Variants in DCC observed in about 807,000 individuals in gnomAD.
DCC encodes the protein netrin receptor DCC.
A neutral mutation model predicts 172.5 loss-of-function variants in DCC; 58 were observed. The ratio of observed to expected loss-of-function variants is 0.34; its 90% confidence interval spans 0.27 to 0.42. The LOEUF (loss-of-function observed/expected upper bound fraction) is 0.42. Among genes scored for constraint, DCC ranks in the 10% least tolerant of loss-of-function variants. The pLI is 1.00. For synonymous variants in DCC, 709 were observed against 644.5 expected (o/e 1.10, Z -1.52); for missense variants, 1,740 against 1,791.0 (o/e 0.97, Z 0.51).
intron 13 of DCC, among the ~76,000 whole-genome samples, chr18:53,312,340 C>CAAAAAAA (rs1218591102): frequency 1.1e-3 from 20 of 17,508 alleles, no homozygotes; most frequent in East Asian, 5.5e-3. Flanking sequence ...GACTCTGTCT[C>CAAAAAAA]AAAAAAAAAA....
At chr18:53,369,548 C>T (rs1004330300) in intron 15 of DCC, among the ~76,000 whole-genome samples, 9 of 151,786 alleles carry the variant, frequency 5.9e-5, no homozygotes, top group African/African-American at 1.9e-4. Context: ...AGTGGGCATC[C>T]TTGTCTTTTT....
chr18:53,468,283 G>T (rs573227459), intron 25 of DCC, among the ~76,000 whole-genome samples: 88 of 150,634 alleles, frequency 5.8e-4, no homozygotes, highest in African/African-American at 2.1e-3. Context: ...TCACATAAAA[G>T]AGCTGATATA....
intron 1 of DCC, among the ~76,000 whole-genome samples, chr18:52,600,090 A>G (rs2033987568): frequency 6.6e-6 from 1 of 152,170 alleles, no homozygotes; most frequent in East Asian, 1.9e-4. Flanking sequence ...ATAGTCATTA[A>G]ACTATTTTAC....
intron 1 of DCC, among the ~76,000 whole-genome samples, chr18:52,679,542 G>A (rs550267233): frequency 1.3e-5 from 2 of 152,228 alleles, no homozygotes; most frequent in African/African-American, 4.8e-5. Context: ...ACACTATGAG[G>A]TAAGCAGGCC....
chr18:52,850,058 C>T (rs2038951688), intron 2 of DCC, among the ~76,000 whole-genome samples: 1 of 152,162 alleles, frequency 6.6e-6, no homozygotes, highest in African/African-American at 2.4e-5. Flanking sequence ...TTTGAGTCTT[C>T]AAATCAGTTT....
chr18:53,461,053 G>T (rs2045552853), intron 24 of DCC, among the ~76,000 whole-genome samples: 1 of 152,252 alleles, frequency 6.6e-6, no homozygotes, highest in Admixed American at 6.5e-5. Flanking sequence ...ATTTTTTCAT[G>T]TGTTTTTTGG....
At chr18:53,485,210 A>G (rs1027343673) in intron 25 of DCC, among the ~76,000 whole-genome samples, 3 of 152,138 alleles carry the variant, frequency 2.0e-5, no homozygotes, top group African/African-American at 7.2e-5. Context: ...CACTATGGTA[A>G]CCAACCTACT....
At chr18:52,705,100 T>A (rs2036184503) in intron 1 of DCC, among the ~76,000 whole-genome samples, 1 of 152,196 alleles carries the variant, frequency 6.6e-6, no homozygotes, top group Admixed American at 6.5e-5. Context: ...AGCATGACTA[T>A]AAAGTAACAA....
At position 53,247,701 on chromosome 18, in the gene DCC, T is replaced by C. The variant is rs141368941; in HGVS notation, c.1911+32104T>C. ...AATTCTTACTGTTTGAAGTTAACCA[T>C]TTGCCAAATGATTTAATGCACACTC... On this transcript the variant is annotated intron_variant, in intron 12 of 28. Coordinates refer to ENST00000442544, the MANE Select transcript of DCC (RefSeq NM_005215.4). Among the ~76,000 whole-genome samples, 801 of 152,094 alleles carry C rather than the reference T, an allele frequency of 5.3e-3. 7 individuals are homozygous for C. The highest frequency in any genetic ancestry group is 0.018 in the African/African-American group (748 of 41,524).
chr18:53,453,067 C>T (rs2045436579), intron 23 of DCC, among the ~76,000 whole-genome samples: 1 of 152,094 alleles, frequency 6.6e-6, no homozygotes, highest in Non-Finnish European at 1.5e-5. Context: ...AGGTGCCCGC[C>T]ACCACGCCCA....
chr18:53,305,323 GT>G (rs2057187592), intron 12 of DCC, among the ~76,000 whole-genome samples: 1 of 152,120 alleles, frequency 6.6e-6, no homozygotes, highest in African/African-American at 2.4e-5. Flanking sequence ...ATATTTTACT[GT>G]CATTTTAGCA....
chr18:53,031,902 A>C (rs1016884338), intron 5 of DCC, among the ~76,000 whole-genome samples: 2 of 152,002 alleles, frequency 1.3e-5, no homozygotes, highest in African/African-American at 4.8e-5. Flanking sequence ...AGTTTAACTA[A>C]TTTTAATTTT....
At chr18:53,468,240 A>G (rs903004531) in intron 25 of DCC, among the ~76,000 whole-genome samples, 8 of 151,840 alleles carry the variant, frequency 5.3e-5, no homozygotes, top group Non-Finnish European at 1.2e-4. Flanking sequence ...AGATGGATAT[A>G]TATTTAAGAA....
At chr18:52,984,684 AT>A (rs2041264674) in intron 5 of DCC, among the ~76,000 whole-genome samples, 1 of 152,096 alleles carries the variant, frequency 6.6e-6, no homozygotes. Context: ...TGTTAGATTA[AT>A]TATAGAATTT....
chr18:53,252,407 A>G (rs1236406332), intron 12 of DCC, among the ~76,000 whole-genome samples: 2 of 151,958 alleles, frequency 1.3e-5, no homozygotes, highest in Non-Finnish European at 2.9e-5. Flanking sequence ...GGTTCATGTG[A>G]CAGTATGTTG....
chr18:52,843,991 T>A (rs1350927709), intron 2 of DCC, among the ~76,000 whole-genome samples: 1 of 152,114 alleles, frequency 6.6e-6, no homozygotes, highest in Non-Finnish European at 1.5e-5. Flanking sequence ...AACATCGCTT[T>A]TTTGAAGTCA....
intron 7 of DCC, among the ~76,000 whole-genome samples, chr18:53,078,599 A>G (rs1290167025): frequency 6.6e-6 from 1 of 151,986 alleles, no homozygotes; most frequent in Non-Finnish European, 1.5e-5. Flanking sequence ...AGGTTAAAAA[A>G]AAGAGAAATA....
chr18:53,179,834 G>C (rs1044977901), intron 9 of DCC, among the ~76,000 whole-genome samples: 1 of 152,190 alleles, frequency 6.6e-6, no homozygotes, highest in African/African-American at 2.4e-5. Context: ...ATTAGTTGCT[G>C]ATGAGTCATT....
At chr18:52,854,504 T>C (rs2039022009) in intron 2 of DCC, among the ~76,000 whole-genome samples, 2 of 152,180 alleles carry the variant, frequency 1.3e-5, no homozygotes, top group Non-Finnish European at 2.9e-5. Context: ...GACTTCCCTC[T>C]CTCCATGTTT....
Sources: gnomAD v4.1 joint callset for allele counts (sites outside exome capture counted in the v4.1 genomes callset) on GRCh38, gnomAD v4.1.1 for gene constraint, MANE v1.5 for transcripts, NCBI Gene and HGNC (gene_info 2026-07-23, HGNC 2026-07-21) for gene names.